Variants in PCDHGA10 observed in about 807,000 individuals in gnomAD.
The protein encoded by PCDHGA10 is protocadherin gamma subfamily A, 10.
In PCDHGA10, 42 loss-of-function variants were observed where a neutral mutation model predicts 59.5. That is an observed-to-expected ratio of 0.71 (90% confidence interval 0.55 to 0.91). PCDHGA10 has a LOEUF of 0.91. Ranked by LOEUF, PCDHGA10 falls within the 40% of genes least tolerant of loss-of-function variation. The probability of loss-of-function intolerance (pLI) is 0.00; values close to 1 mark genes in which losing one functional copy is unlikely to be tolerated. For missense variants in PCDHGA10, 1,111 were observed against 1,198.2 expected (o/e 0.93, Z 1.07); for synonymous variants, 511 against 517.2 (o/e 0.99, Z 0.16).
Position 141,486,226 on chromosome 5 carries a change from A to G in PCDHGA10, c.2437-8581A>G, listed in dbSNP as rs889500362. 5.0e-6 allele frequency: 8 copies of G among 1,614,012 alleles called. No individual in the cohort carries two copies. The highest frequency in any genetic ancestry group is 6.8e-6 in the Non-Finnish European group (8 of 1,180,018). On this transcript the variant is annotated intron_variant, in intron 1 of 3. Transcript: ENST00000398610. This position sits in a 1 kb window ranked among gnomAD's most constrained non-coding sequence, Gnocchi z 5.0. ...TAAATGACAATGCCCCTTACATCACAGTGACCTCAGAGCTTGGAACCCTCC... is the reference window on the plus strand; with the variant it reads ...TAAATGACAATGCCCCTTACATCACGGTGACCTCAGAGCTTGGAACCCTCC...
At chr5:141,438,631 TATATACAC>T (rs1213304454) in intron 1 of PCDHGA10, among the ~76,000 whole-genome samples, 683 of 43,114 alleles carry the variant, frequency 0.016, 2 homozygotes, top group African/African-American at 0.049. Context: ...TATATATATA[TATATACAC>T]ACACACACAC....
Position 141,485,844 on chromosome 5 carries a change from G to T in PCDHGA10, c.2437-8963G>T. On this transcript the variant is annotated intron_variant, in intron 1 of 3. Transcript: ENST00000398610. This position sits in a 1 kb window ranked among gnomAD's most constrained non-coding sequence, Gnocchi z 5.7. ...GATGGAGGGAACCCGCCGAGATCTG[G>T]CACCGCAGAGCTCCGGGTATCCGTG... The T allele has an allele frequency of 1.9e-6, 3 of 1,613,890 alleles. 1 individual carries two copies. The South Asian group carries it at 3.3e-5, about 18-fold the overall frequency.
chr5:141,442,298 G>A (rs934210433), intron 1 of PCDHGA10: 2 of 152,564 alleles, frequency 1.3e-5, no homozygotes, highest in African/African-American at 4.8e-5. Flanking sequence ...TCCTGTCTGA[G>A]TCTTTCCCAC....
intron 1 of PCDHGA10, chr5:141,418,101 G>A (rs965772298): frequency 3.7e-6 from 6 of 1,614,082 alleles, no homozygotes; most frequent in Non-Finnish European, 5.1e-6. Flanking sequence ...GACGCGCAGA[G>A]CGGGGACTTA....
Position 141,414,502 on chromosome 5 carries a change from A to G in PCDHGA10, c.1327A>G (p.Met443Val). The change falls in exon 1 of 4, where the codon ATG becomes GTG. Residue 443 changes from methionine to valine, a missense_variant. By Grantham distance (21) the Met-to-Val change is conservative. Coordinates refer to ENST00000398610, the MANE Select transcript of PCDHGA10 (RefSeq NM_018913.3). ...TCCTCTATCAACGGAAGCTCACTTT[A>G]TGCTACAAGTGGCAGATATCAATGA... is the stretch of plus-strand genomic sequence containing the variant. Reference protein sequence around the residue: ...SPPLSTEAHFMLQVADINDNP... With the variant: ...SPPLSTEAHFVLQVADINDNP... 1 of 1,613,944 alleles carries G rather than the reference A, an allele frequency of 6.2e-7. No individual in the cohort carries two copies. The highest frequency in any genetic ancestry group is 1.1e-5 in the South Asian group (1 of 91,082).
rs532517723 is a variant in PCDHGA10, at chr5:141,486,244, A to G, written c.2437-8563A>G. The G allele has an allele frequency of 1.2e-5, 19 of 1,614,068 alleles. No homozygotes were observed. The Admixed American group carries it at 2.3e-4, about 20-fold the overall frequency. On this transcript the variant is annotated intron_variant, in intron 1 of 3. Coordinates refer to ENST00000398610, the MANE Select transcript of PCDHGA10 (RefSeq NM_018913.3). This position sits in a 1 kb window ranked among gnomAD's most constrained non-coding sequence, Gnocchi z 5.0. ...ACATCACAGTGACCTCAGAGCTTGGAACCCTCCCCGAGAGTGCAGAACCTG... is the reference window on the plus strand; with the variant it reads ...ACATCACAGTGACCTCAGAGCTTGGGACCCTCCCCGAGAGTGCAGAACCTG...
rs2154591356 is a variant in PCDHGA10, at chr5:141,493,972, C to G, written c.2437-835C>G. Among the ~76,000 whole-genome samples, 6 of 152,276 alleles carry G rather than the reference C, an allele frequency of 3.9e-5. No homozygotes were observed. In the Middle Eastern group the frequency reaches 0.014, roughly 345 times the overall value. On this transcript the variant is annotated intron_variant, in intron 1 of 3. Coordinates refer to ENST00000398610, the MANE Select transcript of PCDHGA10 (RefSeq NM_018913.3). This position sits in a 1 kb window ranked among gnomAD's most constrained non-coding sequence, Gnocchi z 4.3. ...CAGGAATGAAGTGGCTGGCCAGAGC[C>G]CCACACCTTCAGCTAGGTGGGAGAT...
chr5:141,428,031 G>A (rs760882803), intron 1 of PCDHGA10: 6 of 1,607,376 alleles, frequency 3.7e-6, no homozygotes, highest in South Asian at 3.3e-5. Context: ...CGCAGAGTCC[G>A]GCTACCTGGT....
Position 141,418,806 on chromosome 5 carries a change from C to T in PCDHGA10, c.2436+3195C>T, listed in dbSNP as rs200530054. The T allele has an allele frequency of 3.0e-5, 49 of 1,613,694 alleles. No individual in the cohort carries two copies. In the African/African-American group the frequency reaches 5.9e-4, roughly 19 times the overall value. On this transcript the variant is annotated intron_variant, in intron 1 of 3. Transcript: ENST00000398610. ...GATTTTGAAGAAGTAGAAAGATATA[C>T]GATAAACATAGAAGCAAAAGACCGA...
intron 1 of PCDHGA10, among the ~76,000 whole-genome samples, chr5:141,463,209 A>G (rs1189251811): frequency 6.6e-6 from 1 of 152,140 alleles, no homozygotes; most frequent in African/African-American, 2.4e-5. Flanking sequence ...TTGGGGATCC[A>G]TATTAATATT....
At chr5:141,466,654 C>A (rs985749176) in intron 1 of PCDHGA10, among the ~76,000 whole-genome samples, 12 of 152,178 alleles carry the variant, frequency 7.9e-5, no homozygotes, top group African/African-American at 2.9e-4. Flanking sequence ...TTTCACAAAA[C>A]ATCAGTGATT....
chr5:141,422,656 G>A (rs759548203), intron 1 of PCDHGA10: 3 of 1,609,780 alleles, frequency 1.9e-6, no homozygotes, highest in Non-Finnish European at 1.7e-6. Context: ...CTCAGTGACC[G>A]CCCTCGACCC....
At chr5:141,446,020 T>C (rs1226676321) in intron 1 of PCDHGA10, among the ~76,000 whole-genome samples, 1 of 152,180 alleles carries the variant, frequency 6.6e-6, no homozygotes, top group African/African-American at 2.4e-5. Context: ...ACTATGGCAA[T>C]ATTCCTGGTA....
Position 141,476,387 on chromosome 5 carries a change from C to G in PCDHGA10, c.2437-18420C>G, listed in dbSNP as rs147660262. Reference sequence around the variant, plus strand: ...GACCGGAGAGATGTTTGTGAACGACCGTCTGGATCGAGAGGAGCTGTGTGG... The same window carrying G: ...GACCGGAGAGATGTTTGTGAACGACGGTCTGGATCGAGAGGAGCTGTGTGG... On this transcript the variant is annotated intron_variant, in intron 1 of 3. Coordinates refer to ENST00000398610, the MANE Select transcript of PCDHGA10 (RefSeq NM_018913.3). The surrounding 1 kb of genome is among the most constrained non-coding windows in gnomAD (Gnocchi z 7.6). 3.6e-4 allele frequency: 587 copies of G among 1,614,076 alleles called. No individual in the cohort carries two copies. The highest frequency in any genetic ancestry group is 4.7e-4 in the Non-Finnish European group (549 of 1,180,024).
intron 1 of PCDHGA10, among the ~76,000 whole-genome samples, chr5:141,437,364 T>C (rs1026384836): frequency 6.6e-6 from 1 of 152,232 alleles, no homozygotes; most frequent in African/African-American, 2.4e-5. Flanking sequence ...AAAATTGGAA[T>C]GTAATCAGTC....
rs1427934561 is a variant in PCDHGA10, at chr5:141,511,140, CAAG to C, written c.2785_2787del (p.Lys929del). The stretch of plus-strand genomic sequence containing the variant: ...AGGCCCCAGCAGGTGGCAATGGCAA[CAAG>C]AAGAAGTCGGGCAAGAAGGAGAAGA... On this transcript the variant is annotated inframe_deletion, in exon 4 of 4. Coordinates refer to ENST00000398610, the MANE Select transcript of PCDHGA10 (RefSeq NM_018913.3). 9 of 1,614,186 alleles carry C rather than the reference CAAG, an allele frequency of 5.6e-6. No individual in the cohort carries two copies. The East Asian group carries it at 6.7e-5, about 12-fold the overall frequency.
rs996353495 is a variant in PCDHGA10, at chr5:141,485,101, T to G, written c.2437-9706T>G. 12 of 1,158,090 alleles carry G rather than the reference T, an allele frequency of 1.0e-5. No individual in the cohort carries two copies. Among genetic ancestry groups the G allele is most frequent in the Non-Finnish European group, 1.4e-5 (11 of 786,830 alleles). The allele number at this position is 1,158,090 out of a possible 1,614,324, so 71.7% of individuals were successfully genotyped here. ...GGAAAGGGAGATAGGTGTCTCCAGC[T>G]GCTGTGGCTGTTTGGGGCGGGTCGG... On this transcript the variant is annotated intron_variant, in intron 1 of 3. Transcript: ENST00000398610. This position sits in a 1 kb window ranked among gnomAD's most constrained non-coding sequence, Gnocchi z 5.7.
Position 141,413,963 on chromosome 5 carries a change from C to T in PCDHGA10, c.788C>T (p.Thr263Ile), listed in dbSNP as rs1368202031. ...VSVPENLPVGTQLLTVTATDR... is the reference protein window; with the variant it reads ...VSVPENLPVGIQLLTVTATDR... ...GTTCCTGAGAATTTGCCTGTGGGCA[C>T]TCAGCTGCTGACAGTCACAGCCACC... Residue 263 changes from threonine (T) to isoleucine (I), a missense_variant, in exon 1 of 4, where the codon ACT (threonine) becomes ATT (isoleucine). Coordinates refer to ENST00000398610, the MANE Select transcript of PCDHGA10 (RefSeq NM_018913.3). The T allele has an allele frequency of 6.8e-6, 11 of 1,613,446 alleles. No homozygotes were observed. Among genetic ancestry groups the T allele is most frequent in the Non-Finnish European group, 9.3e-6 (11 of 1,179,874 alleles).
intron 1 of PCDHGA10, chr5:141,475,820 C>G (rs890721743): frequency 1.1e-5 from 4 of 351,810 alleles, no homozygotes; most frequent in Non-Finnish European, 1.5e-5. Context: ...AAGTTCCTGG[C>G]GCTAGCGCGT....
Sources: allele counts gnomAD v4.1 joint callset (sites outside exome capture counted in the v4.1 genomes callset), GRCh38; gene constraint gnomAD v4.1.1; non-coding constraint Gnocchi (gnomAD v3.1); transcripts MANE v1.5; gene names NCBI Gene and HGNC (gene_info 2026-07-23, HGNC 2026-07-21).